Variants in AFG2A observed in about 807,000 individuals in gnomAD.
AFG2A encodes ATPase family gene 2 protein homolog A.
At chr4:123,176,023 A>G in the AFG2A span, among the ~76,000 whole-genome samples, 1 of 152,176 alleles carries the variant, frequency 6.6e-6, no homozygotes. Flanking sequence ...GAAAGTGGGC[A>G]TTGTACTGGA....
the AFG2A span, among the ~76,000 whole-genome samples, chr4:123,103,397 T>A: frequency 6.6e-6 from 1 of 152,136 alleles, no homozygotes; most frequent in Non-Finnish European, 1.5e-5. Context: ...GTTTTACATA[T>A]GATGTCTAGT....
the AFG2A span, among the ~76,000 whole-genome samples, chr4:122,924,401 T>A: frequency 1.3e-5 from 2 of 152,196 alleles, no homozygotes; most frequent in Non-Finnish European, 2.9e-5. Flanking sequence ...GTTCCTGGTG[T>A]GGTCTCCGAG....
the AFG2A span, among the ~76,000 whole-genome samples, chr4:123,070,605 C>A: frequency 0.012 from 1,843 of 152,232 alleles, 43 homozygotes; most frequent in African/African-American, 0.041. Flanking sequence ...ATACTAATTC[C>A]ATACATGAGG....
At chr4:123,161,151 G>A in the AFG2A span, among the ~76,000 whole-genome samples, 1 of 152,160 alleles carries the variant, frequency 6.6e-6, no homozygotes, top group African/African-American at 2.4e-5. Flanking sequence ...TTAGCAGAGT[G>A]CCTGGTACAT....
chr4:123,065,207 A>G, the AFG2A span, among the ~76,000 whole-genome samples: 1 of 151,966 alleles, frequency 6.6e-6, no homozygotes, highest in Non-Finnish European at 1.5e-5. Flanking sequence ...TTTCTCTGTG[A>G]CTTACATTAT....
chr4:122,978,574 A>G, the AFG2A span, among the ~76,000 whole-genome samples: 1 of 152,310 alleles, frequency 6.6e-6, no homozygotes, highest in African/African-American at 2.4e-5. Context: ...TCCCTGGCTT[A>G]AAGGTGGGGC....
the AFG2A span, among the ~76,000 whole-genome samples, chr4:123,125,741 C>G: frequency 6.6e-6 from 1 of 152,108 alleles, no homozygotes; most frequent in South Asian, 2.1e-4. Flanking sequence ...TAATAATCAC[C>G]TTAATATGGC....
chr4:123,006,898 A>ATTT, the AFG2A span, among the ~76,000 whole-genome samples: 1 of 112,602 alleles, frequency 8.9e-6, no homozygotes, highest in African/African-American at 2.6e-5. Flanking sequence ...CATGCTTGTT[A>ATTT]TTTTTTTTTT....
At chr4:122,951,766 C>G in the AFG2A span, among the ~76,000 whole-genome samples, 1 of 152,182 alleles carries the variant, frequency 6.6e-6, no homozygotes, top group Non-Finnish European at 1.5e-5. Flanking sequence ...TATGCCTGCT[C>G]AAGTGCAAGG....
the AFG2A span, chr4:122,979,205 TC>T: frequency 6.5e-5 from 105 of 1,607,186 alleles, no homozygotes; most frequent in African/African-American, 1.1e-3. Flanking sequence ...AAAAGACAAA[TC>T]TTGTGTTACT....
At chr4:123,175,531 G>A in the AFG2A span, among the ~76,000 whole-genome samples, 1 of 152,194 alleles carries the variant, frequency 6.6e-6, no homozygotes, top group Admixed American at 6.5e-5. Context: ...GGACATTCAT[G>A]CACTGCTGGT....
the AFG2A span, among the ~76,000 whole-genome samples, chr4:123,025,844 G>A: frequency 1.3e-5 from 2 of 152,134 alleles, no homozygotes; most frequent in African/African-American, 2.4e-5. Flanking sequence ...TGCATATCTT[G>A]TCTCATTAAG....
At chr4:123,270,799 A>G in the AFG2A span, among the ~76,000 whole-genome samples, 49 of 152,324 alleles carry the variant, frequency 3.2e-4, no homozygotes, top group African/African-American at 1.0e-3. Context: ...TTAGAAGAAA[A>G]CTCAGAATCA....
the AFG2A span, among the ~76,000 whole-genome samples, chr4:123,168,847 G>A: frequency 6.6e-6 from 1 of 152,186 alleles, no homozygotes; most frequent in African/African-American, 2.4e-5. Flanking sequence ...TTCTTTATAT[G>A]AGTAGTTAGA....
At chr4:122,935,694 T>C in the AFG2A span, 1 of 1,557,400 alleles carries the variant, frequency 6.4e-7, no homozygotes, top group Non-Finnish European at 8.7e-7. Context: ...GAATCTAGTG[T>C]TTTCTACTTT....
the AFG2A span, among the ~76,000 whole-genome samples, chr4:122,992,462 T>G: frequency 6.6e-6 from 1 of 152,370 alleles, no homozygotes; most frequent in South Asian, 2.1e-4. Flanking sequence ...AAAATTCAGT[T>G]TCCTGATTTC....
the AFG2A span, among the ~76,000 whole-genome samples, chr4:123,189,290 T>C: frequency 5.3e-5 from 8 of 152,324 alleles, no homozygotes; most frequent in African/African-American, 1.9e-4. Flanking sequence ...ATTTATGTTT[T>C]GTTCATTCTT....
chr4:123,269,355 T>C, the AFG2A span, among the ~76,000 whole-genome samples: 1 of 152,200 alleles, frequency 6.6e-6, no homozygotes, highest in Admixed American at 6.5e-5. Context: ...GCAAAAACAC[T>C]GCTGAACACA....
At chr4:123,094,669 A>G in the AFG2A span, among the ~76,000 whole-genome samples, 1 of 152,110 alleles carries the variant, frequency 6.6e-6, no homozygotes, top group Admixed American at 6.6e-5. Context: ...GGAAAGAGTT[A>G]CACAAATCTG....
Sources: allele counts gnomAD v4.1 joint callset (sites outside exome capture counted in the v4.1 genomes callset), GRCh38; gene constraint gnomAD v4.1.1; transcripts MANE v1.5; gene names NCBI Gene and HGNC (gene_info 2026-07-23, HGNC 2026-07-21).